Variants in ROBO2 observed in about 807,000 individuals in gnomAD.
ROBO2 encodes roundabout guidance receptor 2.
ROBO2 carries 53 observed loss-of-function variants against 160.8 expected under a neutral mutation model. That is an observed-to-expected ratio of 0.33 (90% CI 0.26 to 0.41). The LOEUF (loss-of-function observed/expected upper bound fraction) is 0.41, where lower values mean the gene tolerates loss of function less well. ROBO2 is among the 10% of genes least tolerant of loss of function. The pLI, the probability that ROBO2 is intolerant of heterozygous loss-of-function variation, is 1.00. For synonymous variants in ROBO2, 664 were observed against 611.7 expected, an observed-to-expected ratio of 1.09 and a Z score of -1.26; for missense variants, 1,577 against 1,722.4, an observed-to-expected ratio of 0.92 and a Z score of 1.49.
chr3:76,093,139 A>G (rs1482455467), intron 2 of ROBO2, among the ~76,000 whole-genome samples: 1 of 152,078 alleles, frequency 6.6e-6, no homozygotes, highest in Non-Finnish European at 1.5e-5. Context: ...TTCTGGTGTA[A>G]TCATCATTGT....
At chr3:77,402,065 G>C (rs191171582) in intron 2 of ROBO2, among the ~76,000 whole-genome samples, 3 of 152,238 alleles carry the variant, frequency 2.0e-5, no homozygotes, top group Admixed American at 6.5e-5. Flanking sequence ...TAAAGAAAAT[G>C]TTGCATATAT....
chr3:76,785,663 A>C (rs770211382), intron 2 of ROBO2, among the ~76,000 whole-genome samples: 1 of 151,190 alleles, frequency 6.6e-6, no homozygotes, highest in East Asian at 2.0e-4. Context: ...CTGAGAGAGA[A>C]AGAATGATGT....
intron 2 of ROBO2, among the ~76,000 whole-genome samples, chr3:76,003,532 T>C (rs536406419): frequency 2.0e-5 from 3 of 152,306 alleles, no homozygotes; most frequent in East Asian, 1.9e-4. Flanking sequence ...TATGTGCCAA[T>C]TGGAAATTTT....
chr3:76,454,965 T>C (rs558314164), intron 2 of ROBO2, among the ~76,000 whole-genome samples: 7 of 152,232 alleles, frequency 4.6e-5, no homozygotes, highest in African/African-American at 1.7e-4. Flanking sequence ...AAATTGAGAA[T>C]ATTCATTTGG....
chr3:77,277,212 C>CTTTCTTTCTTTCTTTCTTCTTTCT (rs762489739), intron 2 of ROBO2, among the ~76,000 whole-genome samples: 4 of 80,084 alleles, frequency 5.0e-5, no homozygotes, highest in African/African-American at 2.0e-4. Context: ...TTCTTTCTTT[C>CTTTCTTTCTTTCTTTCTTCTTTCT]TTCTTTCTTT....
chr3:76,629,752 A>G (rs1235119688), intron 2 of ROBO2, among the ~76,000 whole-genome samples: 1 of 152,202 alleles, frequency 6.6e-6, no homozygotes, highest in Non-Finnish European at 1.5e-5. Context: ...ACCAGTCTTT[A>G]GTAAATTTTG....
chr3:76,430,542 T>C (rs1382097227), intron 2 of ROBO2, among the ~76,000 whole-genome samples: 2 of 152,132 alleles, frequency 1.3e-5, no homozygotes, highest in Non-Finnish European at 2.9e-5. Flanking sequence ...TTCTGTTCCA[T>C]ATCAATAGGT....
At chr3:77,466,021 G>A (rs1381094187) in intron 2 of ROBO2, among the ~76,000 whole-genome samples, 2 of 152,172 alleles carry the variant, frequency 1.3e-5, no homozygotes. Flanking sequence ...GATGGGTAAT[G>A]AGATTGCTGA....
At chr3:76,652,759 G>GA (rs551702736) in intron 2 of ROBO2, among the ~76,000 whole-genome samples, 335 of 145,684 alleles carry the variant, frequency 2.3e-3, no homozygotes, top group African/African-American at 7.5e-3. Flanking sequence ...GGTTTTGGTG[G>GA]AAAAAAAAAA....
At chr3:76,837,635 T>TTA (rs1320819097) in intron 2 of ROBO2, among the ~76,000 whole-genome samples, 1 of 151,864 alleles carries the variant, frequency 6.6e-6, no homozygotes, top group African/African-American at 2.4e-5. Context: ...CATCCTCTAT[T>TTA]TATATATATT....
At chr3:76,623,662 C>T (rs920456956) in intron 2 of ROBO2, among the ~76,000 whole-genome samples, 3 of 152,162 alleles carry the variant, frequency 2.0e-5, no homozygotes, top group Non-Finnish European at 4.4e-5. Flanking sequence ...GTCTATACTT[C>T]CAGAACCTAC....
intron 2 of ROBO2, among the ~76,000 whole-genome samples, chr3:77,126,748 G>A (rs1313013802): frequency 6.8e-6 from 1 of 148,114 alleles, no homozygotes; most frequent in Non-Finnish European, 1.5e-5. Context: ...AGTCTTTGTG[G>A]GATATATTTC....
At chr3:76,048,944 T>C (rs2067549217) in intron 2 of ROBO2, among the ~76,000 whole-genome samples, 1 of 152,180 alleles carries the variant, frequency 6.6e-6, no homozygotes, top group Non-Finnish European at 1.5e-5. Context: ...TACATACTTC[T>C]TGAGTATACT....
At chr3:76,680,816 G>A (rs966737712) in intron 2 of ROBO2, among the ~76,000 whole-genome samples, 19 of 151,232 alleles carry the variant, frequency 1.3e-4, no homozygotes, top group Middle Eastern at 3.4e-3. Flanking sequence ...CACTCTTGTC[G>A]CCCAGGCTAG....
intron 2 of ROBO2, among the ~76,000 whole-genome samples, chr3:76,440,844 A>G (rs1490454991): frequency 1.3e-5 from 2 of 152,056 alleles, no homozygotes; most frequent in African/African-American, 4.8e-5. Context: ...TAAATATTAC[A>G]GAGTGCTGAG....
intron 2 of ROBO2, among the ~76,000 whole-genome samples, chr3:76,487,163 T>C (rs933451460): frequency 2.7e-5 from 4 of 148,092 alleles, no homozygotes; most frequent in Non-Finnish European, 4.5e-5. Flanking sequence ...TTTTTTTTTG[T>C]AGAGACAGTG....
rs572444723 is a variant in ROBO2 at position 76,905,951 on chromosome 3, C to T, written c.110-192063C>T. Among the ~76,000 whole-genome samples the T allele has an allele frequency of 2.2e-4, 33 of 152,204 alleles. No individual in the cohort carries two copies. In the South Asian group the frequency reaches 6.8e-3, roughly 32 times the overall value. On this transcript the variant is annotated intron_variant, in intron 2 of 26. Coordinates refer to the ROBO2 transcript ENST00000487694. ...CTCTTAATGGCTTTATTTTTCTCAT[C>T]AAGGGATAGTTTTGAAGACAAGTAT...
intron 2 of ROBO2, among the ~76,000 whole-genome samples, chr3:76,920,914 T>G (rs765827197): frequency 6.6e-6 from 1 of 152,362 alleles, no homozygotes; most frequent in Non-Finnish European, 1.5e-5. Flanking sequence ...GCAATGGTTT[T>G]AATAAAGGTT....
chr3:76,060,927 G>T (rs975345716), intron 2 of ROBO2, among the ~76,000 whole-genome samples: 1 of 152,030 alleles, frequency 6.6e-6, no homozygotes, highest in Admixed American at 6.6e-5. Context: ...TTCCACCTTG[G>T]ACTCAGTCAG....
Sources: allele counts gnomAD v4.1 joint callset (sites outside exome capture counted in the v4.1 genomes callset), GRCh38; gene constraint gnomAD v4.1.1; transcripts MANE v1.5; gene names NCBI Gene and HGNC (gene_info 2026-07-23, HGNC 2026-07-21).